The following COL28A1 variants were observed in gnomAD, a reference collection of about 807,000 sequenced individuals.
The protein encoded by COL28A1 is collagen type XXVIII alpha 1 chain.
In COL28A1, 161 loss-of-function variants were observed where a neutral mutation model predicts 150.2. The observed-to-expected ratio is 1.07, with a 90% CI of 0.94 to 1.22. The LOEUF (loss-of-function observed/expected upper bound fraction) is 1.22. Ranked by LOEUF, COL28A1 falls within the 50% of genes most tolerant of loss-of-function variation. The pLI is 0.00. For synonymous variants in COL28A1, 552 were observed against 469.7 expected (o/e 1.18, Z -2.26); for missense variants, 1,617 against 1,388.3 (o/e 1.16, Z -2.62).
In COL28A1 at chr7:7,358,670, C is replaced by A. The variant is rs192487617; in HGVS notation, c.3341G>T (p.Ser1114Ile). The change falls in exon 35 of 35, where the codon AGT (serine) becomes ATT (isoleucine). Residue 1114 changes from serine to isoleucine, a missense_variant. Coordinates refer to ENST00000399429, the MANE Select transcript of COL28A1 (RefSeq NM_001037763.3). ...GCNGSGNRFN[S>I]EKECQETCIQ... ...GCAGGTTTCTTGACATTCCTTTTCA[C>A]TGTTGAATCTATTTCCTGAGCCATT... 2.6e-3 allele frequency: 4,161 copies of A among 1,613,982 alleles called. 28 individuals are homozygous for A. The highest frequency in any genetic ancestry group is 2.0e-3 in the Non-Finnish European group (2,377 of 1,179,934).
At chr7:7,517,892 C>G (rs1336823182) in intron 6 of COL28A1, 55 bp from the exon 7 acceptor site, 1 of 1,603,362 alleles carries the variant, frequency 6.2e-7, no homozygotes, top group African/African-American at 1.3e-5. Flanking sequence ...TGACTGATTG[C>G]TCAATAAAAT....
chr7:7,512,821 G>C (rs866889159), intron 8 of COL28A1, among the ~76,000 whole-genome samples: 2 of 152,150 alleles, frequency 1.3e-5, no homozygotes, highest in Non-Finnish European at 1.5e-5. Context: ...ATGACTCCTA[G>C]TCCAGTGCTC....
Position 7,385,136 on chromosome 7 carries a change from C to T in COL28A1, c.2137-3524G>A, listed in dbSNP as rs368921289. Among the ~76,000 whole-genome samples the T allele has an allele frequency of 1.5e-4, 23 of 152,278 alleles. 1 individual carries two copies. The South Asian group carries it at 4.8e-3, about 32-fold the overall frequency. Reference sequence around the variant, plus strand: ...GTTCAAATCAAAAGGAAAACAAACGCAAATAGTATAGGAACGATATCTCTT... The same window carrying T: ...GTTCAAATCAAAAGGAAAACAAACGTAAATAGTATAGGAACGATATCTCTT... On this transcript the variant is annotated intron_variant, in intron 27 of 34. Transcript: ENST00000399429.
chr7:7,377,803 C>CA (rs1781640785), intron 30 of COL28A1, among the ~76,000 whole-genome samples: 1 of 63,652 alleles, frequency 1.6e-5, no homozygotes, highest in Non-Finnish European at 2.8e-5. Flanking sequence ...CTCAATAATT[C>CA]ACGCAAAAAA....
chr7:7,415,408 G>A lies in COL28A1; in HGVS notation c.2136+2451C>T, dbSNP rs373147410. 4.6e-4 allele frequency among the ~76,000 whole-genome samples: 70 copies of A among 152,260 alleles called. 3 individuals are homozygous for A. The highest frequency in any genetic ancestry group is 1.6e-3 in the African/African-American group (68 of 41,556). ...CCTTTTGCAGTGATGGTATTTCGTCGGTGCAAAAGTAATTGCGGTTTTTGC... is the reference window on the plus strand; with the variant it reads ...CCTTTTGCAGTGATGGTATTTCGTCAGTGCAAAAGTAATTGCGGTTTTTGC... On this transcript the variant is annotated intron_variant, in intron 27 of 34. Coordinates refer to ENST00000399429, the MANE Select transcript of COL28A1 (RefSeq NM_001037763.3).
At chr7:7,400,471 A>G (rs571135864) in intron 27 of COL28A1, among the ~76,000 whole-genome samples, 30 of 152,284 alleles carry the variant, frequency 2.0e-4, no homozygotes, top group Non-Finnish European at 3.7e-4. Context: ...AAAAACTAGG[A>G]AATGTATTCT....
At chr7:7,465,023 T>C (rs903497361) in intron 15 of COL28A1, among the ~76,000 whole-genome samples, 1 of 152,162 alleles carries the variant, frequency 6.6e-6, no homozygotes, top group African/African-American at 2.4e-5. Context: ...TCAAGGCTAC[T>C]ATGAACACCT....
chr7:7,525,382 G>C (rs1164708014), intron 3 of COL28A1, among the ~76,000 whole-genome samples: 1 of 152,164 alleles, frequency 6.6e-6, no homozygotes, highest in East Asian at 1.9e-4. Flanking sequence ...AATTCAGTGG[G>C]ATATTACCTG....
At chr7:7,524,401 G>A in intron 3 of COL28A1, 152 bp from the exon 4 acceptor site, 2 of 606,984 alleles carry the variant, frequency 3.3e-6, no homozygotes, top group Non-Finnish European at 5.9e-6. Flanking sequence ...AAACCAACCA[G>A]CCAACCACCC....
intron 5 of COL28A1, among the ~76,000 whole-genome samples, chr7:7,521,195 C>T (rs181678829): frequency 1.4e-4 from 21 of 152,188 alleles, no homozygotes; most frequent in African/African-American, 4.3e-4. Flanking sequence ...TGAATGAGCA[C>T]GTGAATGCTT....
Position 7,372,165 on chromosome 7 carries a change from C to T in COL28A1, c.2908+833G>A, listed in dbSNP as rs534597541. Among the ~76,000 whole-genome samples, 222 of 151,970 alleles carry T rather than the reference C, an allele frequency of 1.5e-3. 1 individual carries two copies. Among genetic ancestry groups the T allele is most frequent in the Non-Finnish European group, 1.8e-3 (124 of 67,974 alleles). ...CTGTAATCCCAGCACTTTGGGAGGC[C>T]GAGGCGGGTGGATCATGAGGTCAGG... On this transcript the variant is annotated intron_variant, in intron 32 of 34. Transcript: ENST00000399429.
intron 14 of COL28A1, among the ~76,000 whole-genome samples, chr7:7,475,699 TA>T (rs890222800): frequency 1.3e-5 from 2 of 152,222 alleles, no homozygotes; most frequent in African/African-American, 4.8e-5. Flanking sequence ...GAAATAATTC[TA>T]TTTGAATTTT....
At chr7:7,450,460 G>A (rs979146246) in intron 18 of COL28A1, among the ~76,000 whole-genome samples, 93 of 152,222 alleles carry the variant, frequency 6.1e-4, no homozygotes, top group African/African-American at 2.2e-3. Context: ...AAAAAAATAA[G>A]TCAGAGCCTA....
intron 25 of COL28A1, chr7:7,420,231 A>AT: frequency 4.3e-6 from 1 of 235,284 alleles, no homozygotes; most frequent in South Asian, 1.3e-4. Flanking sequence ...AGTATTGTGA[A>AT]TAGAGGATGG....
At chr7:7,374,038 A>ATATATATATAT (rs1554260692) in intron 31 of COL28A1, among the ~76,000 whole-genome samples, 22 of 113,626 alleles carry the variant, frequency 1.9e-4, no homozygotes, top group African/African-American at 7.6e-4. Context: ...AAAAAAAAAA[A>ATATATATATAT]ATATATATAT....
At chr7:7,523,513 C>G (rs928812027) in intron 4 of COL28A1, among the ~76,000 whole-genome samples, 12 of 151,164 alleles carry the variant, frequency 7.9e-5, no homozygotes, top group African/African-American at 2.9e-4. Flanking sequence ...CGAACATGTA[C>G]AATTCAATAA....
intron 27 of COL28A1, among the ~76,000 whole-genome samples, chr7:7,387,817 A>G (rs1199601855): frequency 3.3e-5 from 5 of 152,182 alleles, no homozygotes; most frequent in Admixed American, 2.6e-4. Context: ...TGCAGCGGCT[A>G]AAGCATATGA....
intron 27 of COL28A1, among the ~76,000 whole-genome samples, chr7:7,406,921 G>A (rs1783522661): frequency 6.6e-6 from 1 of 151,960 alleles, no homozygotes; most frequent in Non-Finnish European, 1.5e-5. Flanking sequence ...TTTAAGCAAG[G>A]AAGTGATATG....
intron 9 of COL28A1, among the ~76,000 whole-genome samples, chr7:7,510,083 A>G (rs950779024): frequency 6.6e-6 from 1 of 152,104 alleles, no homozygotes; most frequent in African/African-American, 2.4e-5. Context: ...GAATTATAAC[A>G]TAGAAACTGA....
Sources: allele counts gnomAD v4.1 joint callset (sites outside exome capture counted in the v4.1 genomes callset), GRCh38; gene constraint gnomAD v4.1.1; transcripts MANE v1.5; gene names NCBI Gene and HGNC (gene_info 2026-07-23, HGNC 2026-07-21).